Variants in INPP5A observed in about 807,000 individuals in gnomAD.
INPP5A encodes 43 kDa inositol polyphosphate 5-phophatase.
A neutral mutation model predicts 65.2 loss-of-function variants in INPP5A; 14 were observed. The ratio of observed to expected loss-of-function variants is 0.21; its 90% CI spans 0.14 to 0.34. The LOEUF (loss-of-function observed/expected upper bound fraction) is 0.34, where lower values mean the gene tolerates loss of function less well. Ranked by LOEUF, INPP5A falls within the 10% of genes least tolerant of loss-of-function variation. INPP5A has a pLI of 1.00. For synonymous variants in INPP5A, 207 were observed against 208.3 expected, an observed-to-expected ratio of 0.99 and a Z score of 0.05; for missense variants, 431 against 545.6, an observed-to-expected ratio of 0.79 and a Z score of 2.09.
At chr10:132,710,506 G>A (rs1028219492) in intron 8 of INPP5A, 50 bp downstream of exon 8, 2 of 1,592,802 alleles carry the variant, frequency 1.3e-6, no homozygotes, top group African/African-American at 1.3e-5. Context: ...AGGTGTGCTG[G>A]GCAGGCAGGT....
rs143990293 is a variant in INPP5A, at chr10:132,749,597, G to A, written c.813G>A (p.Ser271=). The A allele has an allele frequency of 2.1e-3, 3,428 of 1,612,986 alleles. 8 individuals carry two copies. The highest frequency in any genetic ancestry group is 9.7e-3 in the Middle Eastern group (59 of 6,062). The change falls in exon 10 of 16, where the codon TCG becomes TCA. Residue 271 remains serine (S), a synonymous_variant. Coordinates refer to ENST00000368594, the MANE Select transcript of INPP5A (RefSeq NM_005539.5). ...TGGTGAAGCTCATATTTCGTGAGTC[G>A]GACAACGACCGGAAGGTGAGCGGGG... is the stretch of plus-strand genomic sequence containing the variant. ...NEVVKLIFRE[S]DNDRKVMLQL...
chr10:132,609,434 C>A (rs1178042442), intron 2 of INPP5A, among the ~76,000 whole-genome samples: 2 of 152,048 alleles, frequency 1.3e-5, no homozygotes, highest in East Asian at 3.9e-4. Flanking sequence ...GCTGCGTGTG[C>A]CTGTCGGGGA....
At chr10:132,541,285 C>T (rs2070903508) in intron 1 of INPP5A, among the ~76,000 whole-genome samples, 1 of 152,184 alleles carries the variant, frequency 6.6e-6, no homozygotes, top group Admixed American at 6.5e-5. Context: ...GTCCAGAGGT[C>T]ACCCCTCTCA....
At chr10:132,772,667 C>T (rs1386145553) in intron 12 of INPP5A, among the ~76,000 whole-genome samples, 2 of 119,514 alleles carry the variant, frequency 1.7e-5, no homozygotes, top group African/African-American at 6.5e-5. Context: ...ACAGAGGCCA[C>T]GGCAGCCGCC....
At chr10:132,653,505 T>G (rs1022980) in intron 4 of INPP5A, among the ~76,000 whole-genome samples, 150,768 of 152,274 alleles carry the variant, frequency 0.99, 74,665 homozygotes, top group Middle Eastern at 1. Flanking sequence ...CTTTCCAGGG[T>G]TCCTCCCTGG....
intron 2 of INPP5A, among the ~76,000 whole-genome samples, chr10:132,645,397 T>C (rs1383744031): frequency 6.6e-6 from 1 of 152,206 alleles, no homozygotes; most frequent in Non-Finnish European, 1.5e-5. Context: ...GGCACATGTG[T>C]ACACACACAT....
intron 1 of INPP5A, among the ~76,000 whole-genome samples, chr10:132,597,751 T>C (rs1165369453): frequency 6.6e-6 from 1 of 151,352 alleles, no homozygotes; most frequent in African/African-American, 2.4e-5. Context: ...CCTGCGGGGC[T>C]GTGCTACGTG....
chr10:132,551,244 A>C lies in INPP5A; in HGVS notation c.75+13073A>C, dbSNP rs979608841. 1.3e-5 allele frequency among the ~76,000 whole-genome samples: 2 copies of C among 152,086 alleles called. No individual in the cohort carries two copies. Among genetic ancestry groups the C allele is most frequent in the Non-Finnish European group, 2.9e-5 (2 of 68,010 alleles). ...TGTTAGACTGCAGAGCTGAGTGGGG[A>C]GCCCCTTCCTGTGGTCCCTGGCACT... is the stretch of plus-strand genomic sequence containing the variant. On this transcript the variant is annotated intron_variant, in intron 1 of 15. Transcript: ENST00000368594. This position sits in a 1 kb window ranked among gnomAD's most constrained non-coding sequence, Gnocchi z 5.3.
chr10:132,618,240 A>C (rs1305858164), intron 2 of INPP5A, among the ~76,000 whole-genome samples: 2 of 152,260 alleles, frequency 1.3e-5, no homozygotes, highest in Admixed American at 6.5e-5. Flanking sequence ...TTCAGGGAAG[A>C]ATCCAGAATG....
At chr10:132,754,694 C>A (rs1846559450) in intron 11 of INPP5A, among the ~76,000 whole-genome samples, 1 of 152,260 alleles carries the variant, frequency 6.6e-6, no homozygotes, top group African/African-American at 2.4e-5. Flanking sequence ...TCCTGAAACA[C>A]CACCACCCAG....
At chr10:132,653,951 G>A (rs1367926897) in intron 4 of INPP5A, among the ~76,000 whole-genome samples, 2 of 152,238 alleles carry the variant, frequency 1.3e-5, no homozygotes, top group Non-Finnish European at 2.9e-5. Flanking sequence ...ACAGTGACGT[G>A]GGCCTGGCAG....
rs1183422558 is a variant in INPP5A at position 132,741,636 on chromosome 10, T to A, written c.733-7881T>A. Among the ~76,000 whole-genome samples the A allele has an allele frequency of 6.6e-6, 1 of 152,196 alleles. No individual in the cohort carries two copies. Among genetic ancestry groups the A allele is most frequent in the East Asian group, 1.9e-4 (1 of 5,194 alleles). On this transcript the variant is annotated intron_variant, in intron 9 of 15. Coordinates refer to ENST00000368594, the MANE Select transcript of INPP5A (RefSeq NM_005539.5). The surrounding 1 kb of genome is among the most constrained non-coding windows in gnomAD (Gnocchi z 4.4). ...GGCCCTCGTCACACCCAGAACAGGA[T>A]ACCCCGGAATGAAGGTGGACGTTGG...
intron 11 of INPP5A, among the ~76,000 whole-genome samples, chr10:132,765,199 G>A (rs961564651): frequency 1.3e-5 from 2 of 152,328 alleles, no homozygotes; most frequent in South Asian, 4.1e-4. Context: ...TCCTGCAGGT[G>A]TGGGAGGTGA....
At chr10:132,776,404 C>G (rs1847063871) in intron 12 of INPP5A, among the ~76,000 whole-genome samples, 1 of 150,342 alleles carries the variant, frequency 6.7e-6, no homozygotes, top group Admixed American at 6.6e-5. Context: ...CACAGGCGCC[C>G]CTGTGGGCAG....
intron 5 of INPP5A, among the ~76,000 whole-genome samples, chr10:132,695,581 A>T (rs1218507631): frequency 6.6e-6 from 1 of 152,240 alleles, no homozygotes; most frequent in African/African-American, 2.4e-5. Context: ...TGATATGATT[A>T]TGTCAAGAAT....
chr10:132,554,283 C>T (rs1407246727), intron 1 of INPP5A, among the ~76,000 whole-genome samples: 3 of 152,194 alleles, frequency 2.0e-5, no homozygotes, highest in Non-Finnish European at 4.4e-5. Flanking sequence ...TGGTCACCGG[C>T]TTCCCTGGCT....
chr10:132,666,780 C>T (rs1291753334), intron 4 of INPP5A, among the ~76,000 whole-genome samples: 4 of 152,200 alleles, frequency 2.6e-5, no homozygotes, highest in Non-Finnish European at 4.4e-5. Context: ...CCCCTTAAAG[C>T]GGCCCCCAGC....
rs551247829 is a variant in INPP5A, at chr10:132,698,544, C to T, written c.474+625C>T. Among the ~76,000 whole-genome samples, 14 of 152,360 alleles carry T rather than the reference C, an allele frequency of 9.2e-5. No individual in the cohort carries two copies. Among genetic ancestry groups the T allele is most frequent in the Admixed American group, 6.5e-4 (10 of 15,310 alleles). On this transcript the variant is annotated intron_variant, in intron 6 of 15. Transcript: ENST00000368594. This position sits in a 1 kb window ranked among gnomAD's most constrained non-coding sequence, Gnocchi z 5.5. ...GTGTGCGCGGCTGTTGCTCTGTGCA[C>T]GTGATCTTTGGGTAAACCTCACACG...
intron 8 of INPP5A, among the ~76,000 whole-genome samples, chr10:132,726,583 C>T (rs959968571): frequency 2.0e-5 from 3 of 152,186 alleles, no homozygotes; most frequent in African/African-American, 7.2e-5. Context: ...TCCTCCATGT[C>T]GCTGGCAACA....
Sources: allele counts gnomAD v4.1 joint callset (sites outside exome capture counted in the v4.1 genomes callset), GRCh38; gene constraint gnomAD v4.1.1; non-coding constraint Gnocchi (gnomAD v3.1); transcripts MANE v1.5; gene names NCBI Gene and HGNC (gene_info 2026-07-23, HGNC 2026-07-21).